Variants in DCLRE1C observed in about 807,000 individuals in gnomAD.
DCLRE1C encodes protein artemis.
DCLRE1C carries 47 observed loss-of-function variants against 61.4 expected under a neutral mutation model. The observed-to-expected ratio is 0.77, with a 90% CI of 0.61 to 0.98. The LOEUF (loss-of-function observed/expected upper bound fraction) is 0.98, where lower values mean the gene tolerates loss of function less well. Among genes scored for constraint, DCLRE1C ranks in the 50% least tolerant of loss-of-function variants. The probability of loss-of-function intolerance (pLI) is 0.00; values close to 1 mark genes in which losing one functional copy is unlikely to be tolerated. For synonymous variants in DCLRE1C, 337 were observed against 287.6 expected (o/e 1.17, Z -1.74); for missense variants, 858 against 816.0 (o/e 1.05, Z -0.63).
At chr10:14,902,610 C>T (rs558059377), downstream of DCLRE1C, 1 of 735,300 alleles carries the variant, frequency 1.4e-6, no homozygotes, top group Non-Finnish European at 2.1e-6. Context: ...CAAGGTTCTA[C>T]CTATGTTAAT....
At chr10:14,914,940 T>TA (rs201181306) in intron 13 of DCLRE1C, among the ~76,000 whole-genome samples, 3,177 of 142,498 alleles carry the variant, frequency 0.022, 70 homozygotes, top group South Asian at 0.062. Context: ...TCCATCTCAT[T>TA]AAAAAAAAAA....
rs554187890 is a variant in DCLRE1C at position 14,921,939 on chromosome 10, G to A, written c.1061+1042C>T. ...GAGATTCTCCATCCTCCTTTCCATC[G>A]ACATCTGCAAGCCTGGTCCTGTCTG... On this transcript the variant is annotated intron_variant, in intron 12 of 13. Coordinates refer to ENST00000378278, the MANE Select transcript of DCLRE1C (RefSeq NM_001033855.3). Among the ~76,000 whole-genome samples, 3 of 152,232 alleles carry A rather than the reference G, an allele frequency of 2.0e-5. No homozygotes were observed. In the South Asian group the frequency reaches 6.2e-4, roughly 32 times the overall value.
chr10:14,918,027 G>A (rs535054821), intron 13 of DCLRE1C, among the ~76,000 whole-genome samples: 18 of 152,294 alleles, frequency 1.2e-4, no homozygotes, highest in Non-Finnish European at 2.1e-4. Context: ...TATTGGCAAC[G>A]ATGTGGAGCA....
intron 12 of DCLRE1C, among the ~76,000 whole-genome samples, chr10:14,921,190 G>A (rs1436122104): frequency 2.0e-5 from 3 of 151,782 alleles, no homozygotes; most frequent in Non-Finnish European, 4.4e-5. Flanking sequence ...CGTGGTCGCG[G>A]GCGCCTGTAG....
At chr10:14,919,378 G>A (rs1214073709) in intron 13 of DCLRE1C, among the ~76,000 whole-genome samples, 1 of 151,758 alleles carries the variant, frequency 6.6e-6, no homozygotes, top group Non-Finnish European at 1.5e-5. Context: ...AGTATCTTAA[G>A]AAAATGTTCA....
At chr10:14,952,846 C>T (rs1036967872) in intron 1 of DCLRE1C, among the ~76,000 whole-genome samples, 6 of 152,148 alleles carry the variant, frequency 3.9e-5, no homozygotes, top group African/African-American at 1.4e-4. Flanking sequence ...AGAGACATTT[C>T]GCAGAAGCAG....
At chr10:14,899,123 C>G in exon 14 of DCLRE1C, 1 of 657,554 alleles carries the variant, frequency 1.5e-6, no homozygotes. Flanking sequence ...AGTTCCAGAC[C>G]AGTGTGGGCA....
At chr10:14,954,186 C>G (rs542678989), upstream of DCLRE1C, 5 of 1,101,654 alleles carry the variant, frequency 4.5e-6, no homozygotes, top group East Asian at 1.0e-4. Flanking sequence ...AGCATCCGGT[C>G]GGGTTCTAGG....
At chr10:14,943,184 A>G (rs1841154445) in intron 3 of DCLRE1C, among the ~76,000 whole-genome samples, 1 of 152,102 alleles carries the variant, frequency 6.6e-6, no homozygotes, top group Non-Finnish European at 1.5e-5. Flanking sequence ...TGCTCTGCCA[A>G]CTCCCACAAT....
chr10:14,936,733 C>G, intron 4 of DCLRE1C, 140 bp from the exon 5 acceptor site: 1 of 657,966 alleles, frequency 1.5e-6, no homozygotes, highest in Non-Finnish European at 2.8e-6. Context: ...CACTCCAAAT[C>G]CTAGAAACAA....
intron 1 of DCLRE1C, among the ~76,000 whole-genome samples, chr10:14,951,217 TA>T (rs1273150783): frequency 6.6e-6 from 1 of 151,324 alleles, no homozygotes; most frequent in Admixed American, 6.6e-5. Flanking sequence ...TGTCTCTCTA[TA>T]AAAAATAGAA....
At chr10:14,936,436 C>A in intron 5 of DCLRE1C, 102 bp downstream of exon 5, 1 of 902,608 alleles carries the variant, frequency 1.1e-6, no homozygotes, top group Non-Finnish European at 1.8e-6. Flanking sequence ...ACATGTGCCA[C>A]TGCACCCAGC....
At chr10:14,910,324 A>T (rs188945211) in intron 13 of DCLRE1C, among the ~76,000 whole-genome samples, 16 of 152,342 alleles carry the variant, frequency 1.1e-4, no homozygotes, top group Middle Eastern at 6.8e-3. Context: ...GAATCATCCT[A>T]GACTGCAGAA....
rs1311722534 is a variant in DCLRE1C, at chr10:14,908,350, A to G, written c.*58T>C. On this transcript the variant is annotated 3_prime_UTR_variant, in exon 14 of 14. Coordinates refer to ENST00000378278, the MANE Select transcript of DCLRE1C (RefSeq NM_001033855.3). ...CTGTATTTTCTCTATTGTAATATTG[A>G]CTGTCATCTCTGTGCAGGTTTTTTA... 2 of 1,297,464 alleles carry G rather than the reference A, an allele frequency of 1.5e-6. No individual in the cohort carries two copies. Among genetic ancestry groups the G allele is most frequent in the Admixed American group, 3.4e-5 (2 of 58,958 alleles). The allele number at this position is 1,297,464 out of a possible 1,614,324, so 80.4% of individuals were successfully genotyped here.
downstream of DCLRE1C, among the ~76,000 whole-genome samples, chr10:14,900,048 C>T (rs17156057): frequency 0.012 from 1,868 of 152,196 alleles, 35 homozygotes; most frequent in African/African-American, 0.041. Flanking sequence ...GAAGTTAACA[C>T]GACTACATTT....
chr10:14,949,163 C>G, intron 1 of DCLRE1C, 76 bp from the exon 2 acceptor site: 1 of 998,744 alleles, frequency 1.0e-6, no homozygotes. Context: ...CAGTCGTCTT[C>G]TTTTTCAGCT....
downstream of DCLRE1C, chr10:14,902,348 A>G: frequency 7.9e-7 from 1 of 1,259,542 alleles, no homozygotes; most frequent in Non-Finnish European, 1.1e-6. Context: ...AAAATTTGAA[A>G]TTTATTCTAA....
chr10:14,936,927 T>A (rs554390932), intron 4 of DCLRE1C, among the ~76,000 whole-genome samples: 47 of 152,344 alleles, frequency 3.1e-4, no homozygotes, highest in African/African-American at 1.1e-3. Flanking sequence ...AGCTGATGCA[T>A]CAATCAGGAA....
chr10:14,941,307 C>A (rs558819806), intron 3 of DCLRE1C, among the ~76,000 whole-genome samples: 2 of 152,260 alleles, frequency 1.3e-5, no homozygotes, highest in South Asian at 4.1e-4. Flanking sequence ...TATTTTGAGA[C>A]AGGCTCTCGC....
Sources: gnomAD v4.1 joint callset for allele counts (sites outside exome capture counted in the v4.1 genomes callset) on GRCh38, gnomAD v4.1.1 for gene constraint, MANE v1.5 for transcripts, NCBI Gene and HGNC (gene_info 2026-07-23, HGNC 2026-07-21) for gene names.